Variants in CADPS2 observed in about 807,000 individuals in gnomAD.
CADPS2 encodes calcium dependent secretion activator 2.
In CADPS2, 93 loss-of-function variants were observed where a neutral mutation model predicts 172.5. The observed-to-expected ratio is 0.54, with a 90% CI of 0.46 to 0.64. CADPS2 has a LOEUF of 0.64. Among genes scored for constraint, CADPS2 ranks in the 30% least tolerant of loss-of-function variants. The pLI is 0.00. For synonymous variants in CADPS2, 546 were observed against 555.2 expected (o/e 0.98, Z 0.23); for missense variants, 1,420 against 1,565.9 (o/e 0.91, Z 1.57).
chr7:122,490,280 G>A lies in CADPS2; in HGVS notation c.1653C>T (p.Gly551=), dbSNP rs1407212706. 1.2e-6 allele frequency: 2 copies of A among 1,612,092 alleles called. No homozygotes were observed. Residue 551 remains glycine (G), a splice_region_variant and synonymous_variant, in exon 11 of 30, where the codon GGC becomes GGT. Transcript: ENST00000449022. The stretch of plus-strand genomic sequence containing the variant: ...TAAAGAACATACAACCACCCTGAAG[G>A]CCTGTGGAGGAAACAAAAAGACATC... ...YTVDYTDPHP[G]LQGGCMFFNA... is the part of the protein sequence containing the mutation.
rs754828949 is a variant in CADPS2, at chr7:122,615,298, A to G, written c.1106T>C (p.Ile369Thr). Residue 369 changes from isoleucine to threonine, a missense_variant and splice_region_variant, in exon 6 of 30, where the codon ATT (isoleucine) becomes ACT (threonine). Ile to Thr is a moderately conservative substitution (Grantham distance 89). Coordinates refer to ENST00000449022, the MANE Select transcript of CADPS2 (RefSeq NM_017954.11). The stretch of plus-strand genomic sequence containing the variant: ...CAGGCCTTGCACTTCCATTATGACA[A>G]TCTAAAGATAAAATGATTTTAAAAT... ...SDVVLSFTLE[I>T]VIMEVQGLKS... The G allele has an allele frequency of 1.3e-6, 2 of 1,519,016 alleles. No homozygotes were observed. The highest frequency in any genetic ancestry group is 1.4e-5 in the African/African-American group (1 of 72,660). 94.1% of individuals were successfully genotyped at this position (1,519,016 alleles called of 1,614,324 possible).
intron 6 of CADPS2, among the ~76,000 whole-genome samples, chr7:122,601,532 T>C (rs986815565): frequency 6.6e-6 from 1 of 152,036 alleles, no homozygotes; most frequent in Admixed American, 6.6e-5. Context: ...TCTCTGGTGG[T>C]CTTAAGTCAA....
chr7:122,863,327 A>G (rs1424877572), intron 1 of CADPS2, among the ~76,000 whole-genome samples: 1 of 152,212 alleles, frequency 6.6e-6, no homozygotes, highest in Non-Finnish European at 1.5e-5. Flanking sequence ...ATTATGAACA[A>G]GTTTTTGCCT....
chr7:122,444,493 T>C (rs1205488550), intron 15 of CADPS2, among the ~76,000 whole-genome samples: 1 of 152,202 alleles, frequency 6.6e-6, no homozygotes, highest in Non-Finnish European at 1.5e-5. Context: ...TTGTTTTGTT[T>C]GGAATTTAAC....
chr7:122,625,835 C>A (rs2076034964), intron 4 of CADPS2, among the ~76,000 whole-genome samples: 1 of 151,974 alleles, frequency 6.6e-6, no homozygotes, highest in Admixed American at 6.6e-5. Flanking sequence ...TGCATAACAT[C>A]TACTTTTTAA....
intron 3 of CADPS2, among the ~76,000 whole-genome samples, chr7:122,661,150 A>T (rs993880255): frequency 1.3e-4 from 20 of 152,224 alleles, no homozygotes; most frequent in African/African-American, 4.8e-4. Flanking sequence ...ACAATAAAAC[A>T]TAACAATCCT....
intron 3 of CADPS2, among the ~76,000 whole-genome samples, chr7:122,644,204 C>T (rs570982819): frequency 5.3e-5 from 8 of 152,348 alleles, no homozygotes; most frequent in African/African-American, 9.6e-5. Flanking sequence ...GCCTAACATT[C>T]GGGACTTCCC....
At position 122,351,397 on chromosome 7, in the gene CADPS2, AAAAAAAT is replaced by A. The variant is rs1224842192; in HGVS notation, c.3505-5723_3505-5717del. On this transcript the variant is annotated intron_variant, in intron 27 of 29. Coordinates refer to ENST00000449022, the MANE Select transcript of CADPS2 (RefSeq NM_017954.11). ...CAAAAAAAAAAAAAAAAAAAAAAAAAAAAAAATTCCAAACTATTATTTCAAGAATGAA... is the reference window on the plus strand; with the variant it reads ...CAAAAAAAAAAAAAAAAAAAAAAAAATCCAAACTATTATTTCAAGAATGAA... Among the ~76,000 whole-genome samples, 223 of 147,986 alleles carry A rather than the reference AAAAAAAT, an allele frequency of 1.5e-3. 1 individual carries two copies. The highest frequency in any genetic ancestry group is 5.4e-3 in the African/African-American group (214 of 39,552).
chr7:122,560,282 A>G (rs564776530), intron 7 of CADPS2, among the ~76,000 whole-genome samples: 8 of 152,308 alleles, frequency 5.3e-5, no homozygotes, highest in Non-Finnish European at 1.2e-4. Flanking sequence ...AGATACCAGA[A>G]GGTTAAGCTT....
chr7:122,438,978 G>C (rs1024101419), intron 16 of CADPS2, among the ~76,000 whole-genome samples: 2 of 151,870 alleles, frequency 1.3e-5, no homozygotes, highest in African/African-American at 4.8e-5. Flanking sequence ...TTTAATGATT[G>C]TGATTTGCTG....
chr7:122,548,814 C>CA (rs1348625265), intron 8 of CADPS2, among the ~76,000 whole-genome samples: 2 of 152,118 alleles, frequency 1.3e-5, no homozygotes, highest in Non-Finnish European at 2.9e-5. Context: ...AGACATGGTT[C>CA]AAAGCCCTTA....
At chr7:122,873,315 C>T (rs1820290782) in intron 1 of CADPS2, among the ~76,000 whole-genome samples, 1 of 152,240 alleles carries the variant, frequency 6.6e-6, no homozygotes, top group Non-Finnish European at 1.5e-5. Context: ...AATGCTCTCC[C>T]TCCTCTAGCC....
At chr7:122,742,842 T>C (rs2092557422) in intron 1 of CADPS2, among the ~76,000 whole-genome samples, 1 of 152,166 alleles carries the variant, frequency 6.6e-6, no homozygotes, top group African/African-American at 2.4e-5. Flanking sequence ...ATCACTAACA[T>C]AATAACATAT....
chr7:122,588,449 T>A (rs1356802251), intron 6 of CADPS2, among the ~76,000 whole-genome samples: 1 of 152,046 alleles, frequency 6.6e-6, no homozygotes, highest in Non-Finnish European at 1.5e-5. Context: ...ATTTATTAAA[T>A]AGGTAATCCT....
At chr7:122,427,691 T>C (rs2049340076) in intron 17 of CADPS2, among the ~76,000 whole-genome samples, 1 of 152,216 alleles carries the variant, frequency 6.6e-6, no homozygotes. Context: ...TGCCGGATCA[T>C]GGGCTTTGGT....
At chr7:122,858,664 A>G (rs2141244965) in intron 1 of CADPS2, among the ~76,000 whole-genome samples, 1 of 152,338 alleles carries the variant, frequency 6.6e-6, no homozygotes, top group African/African-American at 2.4e-5. Flanking sequence ...AGAACCTGAT[A>G]AAAGCATTAA....
At chr7:122,501,859 G>A in intron 9 of CADPS2, among the ~76,000 whole-genome samples, 1 of 128,044 alleles carries the variant, frequency 7.8e-6, no homozygotes, top group African/African-American at 3.1e-5. Flanking sequence ...TGGGCAACAA[G>A]GCAAGACTCC....
At chr7:122,407,825 A>G (rs2046832320) in intron 19 of CADPS2, 129 bp from the exon 20 acceptor site, 2 of 917,372 alleles carry the variant, frequency 2.2e-6, no homozygotes. Flanking sequence ...AACAAAATAT[A>G]ATAGTTTTTA....
At chr7:122,550,446 G>A (rs1340182679) in intron 8 of CADPS2, among the ~76,000 whole-genome samples, 7 of 152,174 alleles carry the variant, frequency 4.6e-5, no homozygotes, top group East Asian at 1.9e-4. Context: ...ATATAGTTAC[G>A]AAACTCTATT....
Sources: allele counts gnomAD v4.1 joint callset (sites outside exome capture counted in the v4.1 genomes callset), GRCh38; gene constraint gnomAD v4.1.1; transcripts MANE v1.5; gene names NCBI Gene and HGNC (gene_info 2026-07-23, HGNC 2026-07-21).